Variants in SERAC1 observed in about 807,000 individuals in gnomAD.
SERAC1 encodes the protein protein SERAC1.
In SERAC1, 36 loss-of-function variants were observed where a neutral mutation model predicts 85.7. The ratio of observed to expected loss-of-function variants is 0.42; its 90% CI spans 0.32 to 0.55. The LOEUF is 0.55. SERAC1 is among the 20% of genes least tolerant of loss of function. The pLI is 0.11. For synonymous variants in SERAC1, 242 were observed against 265.3 expected (o/e 0.91, Z 0.85); for missense variants, 629 against 796.2 (o/e 0.79, Z 2.53).
intron 1 of SERAC1, among the ~76,000 whole-genome samples, chr6:158,164,753 G>A (rs1286563460): frequency 6.6e-6 from 1 of 152,114 alleles, no homozygotes; most frequent in African/African-American, 2.4e-5. Flanking sequence ...GTGAGTTGTA[G>A]CTAGGTACAC....
In SERAC1 at chr6:158,120,924, G is replaced by C. The variant is rs1248946905; in HGVS notation, c.1016-349C>G. On this transcript the variant is annotated intron_variant, in intron 10 of 16. Coordinates refer to ENST00000647468, the MANE Select transcript of SERAC1 (RefSeq NM_032861.4). The surrounding 1 kb of genome is among the most constrained non-coding windows in gnomAD (Gnocchi z 4.4). Reference sequence around the variant, plus strand: ...TACCATGATGTTTTGCTTTTAACAAGAATTATGAAACTCAGTGGGTTAATA... The same window carrying C: ...TACCATGATGTTTTGCTTTTAACAACAATTATGAAACTCAGTGGGTTAATA... 6.6e-6 allele frequency among the ~76,000 whole-genome samples: 1 copy of C among 152,110 alleles called. No individual in the cohort carries two copies. The highest frequency in any genetic ancestry group is 2.4e-5 in the African/African-American group (1 of 41,418).
intron 1 of SERAC1, among the ~76,000 whole-genome samples, chr6:158,162,657 T>C (rs1052607054): frequency 6.6e-6 from 1 of 152,220 alleles, no homozygotes; most frequent in Non-Finnish European, 1.5e-5. Context: ...CTGTCTGACA[T>C]GCACTATAAT....
At chr6:158,127,398 AG>A (rs1784570212) in intron 10 of SERAC1, among the ~76,000 whole-genome samples, 3 of 59,462 alleles carry the variant, frequency 5.0e-5, no homozygotes, top group Admixed American at 1.9e-4. Flanking sequence ...CTGCCCGGCC[AG>A]CCGCCCCGTC....
At chr6:158,155,099 C>T (rs1053887972) in intron 3 of SERAC1, among the ~76,000 whole-genome samples, 2 of 152,170 alleles carry the variant, frequency 1.3e-5, no homozygotes, top group African/African-American at 4.8e-5. Flanking sequence ...AGGCAGAGTT[C>T]CTAGTACACA....
chr6:158,120,421 T>C lies in SERAC1; in HGVS notation c.1166+4A>G, dbSNP rs1440604500. ...GACAAAGCAACTCTCTTCTGCTTCC[T>C]TACCTTGTTCGATATTGGGGATGCA... On this transcript the variant is annotated splice_donor_region_variant and intron_variant, in intron 11 of 16. Transcript: ENST00000647468. The surrounding 1 kb of genome is among the most constrained non-coding windows in gnomAD (Gnocchi z 4.4). The C allele has an allele frequency of 6.2e-7, 1 of 1,611,390 alleles. No individual in the cohort carries two copies. Among genetic ancestry groups the C allele is most frequent in the South Asian group, 1.1e-5 (1 of 90,480 alleles).
At chr6:158,149,393 T>G (rs189291527) in intron 4 of SERAC1, among the ~76,000 whole-genome samples, 24 of 152,366 alleles carry the variant, frequency 1.6e-4, no homozygotes, top group African/African-American at 5.5e-4. Context: ...GTTGTCTTTT[T>G]ATTGTCACTA....
chr6:158,156,280 C>T (rs1785330845), intron 2 of SERAC1, among the ~76,000 whole-genome samples: 1 of 152,112 alleles, frequency 6.6e-6, no homozygotes, highest in East Asian at 1.9e-4. Context: ...CTGTCCAATA[C>T]ACATGCCCTT....
At chr6:158,146,944 G>T in intron 5 of SERAC1, 31 bp from the exon 6 acceptor site, 1 of 1,603,906 alleles carries the variant, frequency 6.2e-7, no homozygotes, top group Admixed American at 1.7e-5. Flanking sequence ...AAGACAATGT[G>T]AAAAGTTAAG....
chr6:158,149,140 C>T (rs1181585099), intron 4 of SERAC1, among the ~76,000 whole-genome samples, 186 bp from the exon 5 acceptor site: 1 of 152,118 alleles, frequency 6.6e-6, no homozygotes, highest in South Asian at 2.1e-4. Context: ...TACAGGCCCT[C>T]GCCACCACGC....
At chr6:158,151,873 T>TA (rs113019190) in intron 3 of SERAC1, among the ~76,000 whole-genome samples, 5,169 of 145,970 alleles carry the variant, frequency 0.035, 263 homozygotes, top group African/African-American at 0.12. Context: ...GTTCATAAGT[T>TA]AAAAAAAAAA....
chr6:158,131,875 A>G (rs139560181), intron 8 of SERAC1, among the ~76,000 whole-genome samples: 370 of 152,326 alleles, frequency 2.4e-3, no homozygotes, highest in African/African-American at 8.3e-3. Flanking sequence ...CAGTTGTACA[A>G]TGGAATGCCA....
intron 8 of SERAC1, among the ~76,000 whole-genome samples, chr6:158,140,268 A>G (rs1448285162): frequency 6.6e-6 from 1 of 152,210 alleles, no homozygotes; most frequent in Non-Finnish European, 1.5e-5. Context: ...ATTAGATGGT[A>G]GGGACTTTCT....
At position 158,155,393 on chromosome 6, in the gene SERAC1, A is replaced by G. The variant is rs186002179; in HGVS notation, c.92-42T>C. On this transcript the variant is annotated intron_variant, in intron 2 of 16. Transcript: ENST00000647468. ...GTCAATGTGATGAATTTCATTTTTAAAAGTGTGAAAGGAAATAGGCAACAG... is the reference window on the plus strand; with the variant it reads ...GTCAATGTGATGAATTTCATTTTTAGAAGTGTGAAAGGAAATAGGCAACAG... The G allele has an allele frequency of 2.5e-5, 30 of 1,216,092 alleles. No homozygotes were observed. The East Asian group carries it at 6.1e-4, about 25-fold the overall frequency. The allele number at this position is 1,216,092 out of a possible 1,614,324, so 75.3% of individuals were successfully genotyped here.
Position 158,130,366 on chromosome 6 carries a change from A to G in SERAC1, c.852+7T>C, listed in dbSNP as rs1452026354. 2.1e-6 allele frequency: 3 copies of G among 1,443,606 alleles called. No individual in the cohort carries two copies. Among genetic ancestry groups the G allele is most frequent in the Admixed American group, 2.4e-5 (1 of 41,816 alleles). The allele number at this position is 1,443,606 out of a possible 1,614,324, so 89.4% of individuals were successfully genotyped here. A position where few individuals can be genotyped will look rare whatever the true frequency, so the allele number is the denominator to read the frequency against. ...AAAGTAAACTACATTTTGAAAATGT[A>G]AATTACCTCAGAATGTTTTACTATA... On this transcript the variant is annotated splice_region_variant and intron_variant, in intron 9 of 16. Coordinates refer to ENST00000647468, the MANE Select transcript of SERAC1 (RefSeq NM_032861.4).
intron 8 of SERAC1, among the ~76,000 whole-genome samples, chr6:158,131,472 AAATAT>A (rs142710512): frequency 0.53 from 76,641 of 145,932 alleles, 20,406 homozygotes; most frequent in African/African-American, 0.6. Flanking sequence ...TAAAATACAT[AAATAT>A]AATATAAATA....
At chr6:158,133,949 G>A (rs1044982136) in intron 8 of SERAC1, among the ~76,000 whole-genome samples, 3 of 152,214 alleles carry the variant, frequency 2.0e-5, no homozygotes, top group African/African-American at 4.8e-5. Flanking sequence ...AACACTAGCA[G>A]TACCTGTGAT....
At chr6:158,141,815 A>G (rs1285287963) in intron 8 of SERAC1, among the ~76,000 whole-genome samples, 1 of 152,204 alleles carries the variant, frequency 6.6e-6, no homozygotes, top group Non-Finnish European at 1.5e-5. Flanking sequence ...CATCAAAAAG[A>G]AAAACCATTA....
intron 12 of SERAC1, 120 bp downstream of exon 12, chr6:158,118,909 G>A (rs1784355411): frequency 1.6e-5 from 19 of 1,208,450 alleles, no homozygotes; most frequent in Non-Finnish European, 2.0e-5. Context: ...ATCTCCCTAA[G>A]GGAAAGAAGA....
intron 16 of SERAC1, chr6:158,113,186 C>T (rs189034504): frequency 9.5e-6 from 4 of 421,680 alleles, no homozygotes; most frequent in Admixed American, 4.0e-5. Context: ...CAAAAGAGTT[C>T]ACTGTTGATG....
Sources: allele counts gnomAD v4.1 joint callset (sites outside exome capture counted in the v4.1 genomes callset), GRCh38; gene constraint gnomAD v4.1.1; non-coding constraint Gnocchi (gnomAD v3.1); transcripts MANE v1.5; gene names NCBI Gene and HGNC (gene_info 2026-07-23, HGNC 2026-07-21).